Variants in ZFYVE26 observed in about 807,000 individuals in gnomAD.
ZFYVE26 encodes zinc finger FYVE domain-containing protein 26.
Under a neutral mutation model 276.5 loss-of-function variants are expected in ZFYVE26, and 181 were observed. The observed-to-expected ratio is 0.65, with a 90% CI of 0.58 to 0.74. The LOEUF is 0.74. Among genes scored for constraint, ZFYVE26 ranks in the 30% least tolerant of loss-of-function variants. The pLI, the probability that ZFYVE26 is intolerant of heterozygous loss-of-function variation, is 0.00. For missense variants in ZFYVE26, 2,821 were observed against 3,097.9 expected (o/e 0.91, Z 2.12); for synonymous variants, 1,129 against 1,203.1 (o/e 0.94, Z 1.27).
chr14:67,734,902 G>C (rs1028383503), intron 13 of ZFYVE26, among the ~76,000 whole-genome samples: 2 of 152,166 alleles, frequency 1.3e-5, no homozygotes, highest in African/African-American at 4.8e-5. Context: ...TCACAGCTTG[G>C]CCAGCTCACA....
chr14:67,763,967 C>T (rs894301484), intron 32 of ZFYVE26, among the ~76,000 whole-genome samples: 1 of 152,138 alleles, frequency 6.6e-6, no homozygotes, highest in East Asian at 1.9e-4. Context: ...ACATCGCTAC[C>T]ATTCCCTGGA....
intron 28 of ZFYVE26, among the ~76,000 whole-genome samples, chr14:67,771,841 T>C (rs1027930775): frequency 6.6e-6 from 1 of 152,244 alleles, no homozygotes; most frequent in African/African-American, 2.4e-5. Context: ...TTAGAATTTA[T>C]GGCTGTTTGA....
chr14:67,781,465 T>G lies in ZFYVE26; in HGVS notation c.4437A>C (p.Leu1479=). The part of the protein sequence containing the change: ...KDASLRSRLA[L]QFVDRWPLES... ...CCAGGGGCCACCTGTCCACAAACTG[T>G]AGGGCCAGCCGACTTCTCAGAGATG... Residue 1479 remains leucine (L), a synonymous_variant, in exon 22 of 42, where the codon CTA becomes CTC. Coordinates refer to ENST00000347230, the MANE Select transcript of ZFYVE26 (RefSeq NM_015346.4). 6.2e-7 allele frequency: 1 copy of G among 1,614,184 alleles called. No individual in the cohort carries two copies. Among genetic ancestry groups the G allele is most frequent in the Non-Finnish European group, 8.5e-7 (1 of 1,180,026 alleles).
intron 16 of ZFYVE26, among the ~76,000 whole-genome samples, chr14:67,788,214 C>T (rs561095259): frequency 6.6e-6 from 1 of 152,160 alleles, no homozygotes; most frequent in East Asian, 1.9e-4. Context: ...CATGGTGAAA[C>T]CCAGTCTCTA....
intron 13 of ZFYVE26, chr14:67,735,073 A>G: frequency 1.4e-6 from 1 of 708,604 alleles, no homozygotes; most frequent in Non-Finnish European, 2.6e-6. Flanking sequence ...AGCAAATGAC[A>G]CCAAATATCG....
At chr14:67,736,542 G>GA (rs927966988) in intron 13 of ZFYVE26, among the ~76,000 whole-genome samples, 5 of 151,896 alleles carry the variant, frequency 3.3e-5, no homozygotes, top group Non-Finnish European at 7.4e-5. Flanking sequence ...GAAAATATTA[G>GA]AAAAAAATAT....
chr14:67,739,075 T>C (rs1422200883), intron 13 of ZFYVE26, among the ~76,000 whole-genome samples: 1 of 152,064 alleles, frequency 6.6e-6, no homozygotes, highest in Non-Finnish European at 1.5e-5. Context: ...CAAGTGACGG[T>C]GATGGAAAAG....
intron 14 of ZFYVE26, among the ~76,000 whole-genome samples, chr14:67,793,363 T>G (rs2039870083): frequency 6.6e-6 from 1 of 151,940 alleles, no homozygotes; most frequent in Admixed American, 6.6e-5. Context: ...GTGGTGGGAG[T>G]GTGGCTGAAT....
At position 67,814,009 on chromosome 14, in the gene ZFYVE26, C is replaced by G; in HGVS notation, c.250G>C (p.Glu84Gln). 1 of 1,613,928 alleles carries G rather than the reference C, an allele frequency of 6.2e-7. No homozygotes were observed. The highest frequency in any genetic ancestry group is 8.5e-7 in the Non-Finnish European group (1 of 1,179,882). ...RVAWVWLLVL[E>Q]KWLAREKKLL... ...ACCTTTTCCCGGGCCAACCATTTCT[C>G]CAGTACAAGAAGCCAGACCCAGGCT... Residue 84 changes from glutamate to glutamine, a missense_variant, in exon 3 of 42, where the codon GAG (glutamate) becomes CAG (glutamine). Transcript: ENST00000347230.
chr14:67,772,296 T>G (rs1395511531), intron 27 of ZFYVE26, 86 bp from the exon 28 acceptor site: 3 of 1,420,578 alleles, frequency 2.1e-6, no homozygotes, highest in African/African-American at 2.8e-5. Flanking sequence ...TTTTACCATT[T>G]TACAAACCGT....
intron 32 of ZFYVE26, among the ~76,000 whole-genome samples, chr14:67,765,817 G>T (rs1386184352): frequency 4.6e-5 from 7 of 152,166 alleles, no homozygotes; most frequent in Non-Finnish European, 1.0e-4. Context: ...TTTGAATTTG[G>T]TCAGGATTGG....
chr14:67,788,113 G>A (rs2039703306), intron 16 of ZFYVE26, among the ~76,000 whole-genome samples: 1 of 151,144 alleles, frequency 6.6e-6, no homozygotes, highest in East Asian at 1.9e-4. Context: ...GTGGGTGGTT[G>A]GGTGCGGTGG....
At chr14:67,779,744 C>A (rs879549308) in intron 23 of ZFYVE26, among the ~76,000 whole-genome samples, 9 of 152,106 alleles carry the variant, frequency 5.9e-5, no homozygotes, top group Admixed American at 5.2e-4. Context: ...CATTCTGTAC[C>A]TAACGTACAC....
intron 13 of ZFYVE26, among the ~76,000 whole-genome samples, chr14:67,737,449 G>A (rs899793869): frequency 2.6e-5 from 4 of 152,090 alleles, no homozygotes; most frequent in African/African-American, 9.7e-5. Context: ...AGGGGAAACT[G>A]CCACTTTTAA....
chr14:67,786,955 C>T (rs1306785171), intron 16 of ZFYVE26, among the ~76,000 whole-genome samples: 1 of 152,140 alleles, frequency 6.6e-6, no homozygotes, highest in African/African-American at 2.4e-5. Context: ...ACAAACACCA[C>T]ATGTTCTCAC....
At position 67,782,916 on chromosome 14, in the gene ZFYVE26, T is replaced by G. The variant is rs1385088212; in HGVS notation, c.4236A>C (p.Val1412=). The stretch of plus-strand genomic sequence containing the variant: ...AGGATTCCTCAAAAGCCTCACTCAG[T>G]ACATCTAGGGCAATGGGAGAATGTA... ...LGLHSPIALD[V]LSEAFEESLV... is the part of the protein sequence containing the mutation. The change falls in exon 21 of 42, where the codon GTA becomes GTC. Residue 1412 remains valine (V), a synonymous_variant. Transcript: ENST00000347230. 1.2e-6 allele frequency: 2 copies of G among 1,614,046 alleles called. No individual in the cohort carries two copies. The highest frequency in any genetic ancestry group is 1.7e-5 in the Admixed American group (1 of 60,002).
downstream of ZFYVE26, chr14:67,746,485 G>A (rs1308421584): frequency 1.3e-5 from 2 of 152,188 alleles, no homozygotes; most frequent in African/African-American, 4.8e-5. Flanking sequence ...CAAAGGGTAG[G>A]AGCAAGACAG....
At chr14:67,771,906 G>C in intron 28 of ZFYVE26, 141 bp downstream of exon 28, 1 of 1,147,856 alleles carries the variant, frequency 8.7e-7, no homozygotes, top group South Asian at 1.3e-5. Context: ...GGTCAAAAAT[G>C]AACCCAAAGT....
At chr14:67,796,111 T>C (rs2039946873) in intron 12 of ZFYVE26, 1 of 152,120 alleles carries the variant, frequency 6.6e-6, no homozygotes, top group Non-Finnish European at 1.5e-5. Context: ...GATTAATGAA[T>C]ATAAAATCAG....
Sources: gnomAD v4.1 joint callset for allele counts (sites outside exome capture counted in the v4.1 genomes callset) on GRCh38, gnomAD v4.1.1 for gene constraint, MANE v1.5 for transcripts, NCBI Gene and HGNC (gene_info 2026-07-23, HGNC 2026-07-21) for gene names.